The following PDE10A variants were observed in gnomAD, a reference collection of about 807,000 sequenced individuals.
The protein encoded by PDE10A is phosphodiesterase 10A, also known as cAMP and cAMP-inhibited cGMP 3',5'-cyclic phosphodiesterase 10A.
In PDE10A, 39 loss-of-function variants were observed where a neutral mutation model predicts 97.7. That is an observed-to-expected ratio of 0.40 (90% CI 0.31 to 0.52). PDE10A has a LOEUF of 0.52. Among genes scored for constraint, PDE10A ranks in the 20% least tolerant of loss-of-function variants. The probability of loss-of-function intolerance (pLI) is 0.56; values close to 1 mark genes in which losing one functional copy is unlikely to be tolerated. For synonymous variants in PDE10A, 371 were observed against 376.8 expected (o/e 0.98, Z 0.18); for missense variants, 731 against 1,047.8 (o/e 0.70, Z 4.17).
chr6:165,487,065 T>C (rs778202499), intron 2 of PDE10A, among the ~76,000 whole-genome samples: 10 of 152,214 alleles, frequency 6.6e-5, no homozygotes, highest in Non-Finnish European at 1.5e-4. Flanking sequence ...GCGACGCATT[T>C]GTGAATAAGC....
At chr6:165,425,567 AC>A (rs1789063855) in intron 10 of PDE10A, among the ~76,000 whole-genome samples, 1 of 152,156 alleles carries the variant, frequency 6.6e-6, no homozygotes, top group Non-Finnish European at 1.5e-5. Flanking sequence ...TGAAAAACCC[AC>A]AAAAAAATCA....
At chr6:165,432,877 G>T in intron 7 of PDE10A, 97 bp downstream of exon 7, 1 of 781,862 alleles carries the variant, frequency 1.3e-6, no homozygotes, top group Non-Finnish European at 2.1e-6. Flanking sequence ...ATTAATTCAT[G>T]TATTTTCAGT....
In PDE10A at chr6:165,814,304, C is replaced by T. The variant is rs115471348; in HGVS notation, c.-615+173225G>A. ...GCACCCGGCTGCTCATATTACTCCA[C>T]GACTCCACACCCTCCACCGCCCGTA... On this transcript the variant is annotated intron_variant, in intron 1 of 19. Transcript: ENST00000366882. Among the ~76,000 whole-genome samples, 1,495 of 152,178 alleles carry T rather than the reference C, an allele frequency of 9.8e-3. 30 individuals carry two copies. The highest frequency in any genetic ancestry group is 0.034 in the African/African-American group (1,429 of 41,502).
At chr6:165,772,745 TG>T (rs1348136404) in intron 1 of PDE10A, among the ~76,000 whole-genome samples, 10 of 151,862 alleles carry the variant, frequency 6.6e-5, no homozygotes, top group Admixed American at 6.6e-4. Context: ...CCCGTTGATT[TG>T]GGGGCGGGGT....
intron 2 of PDE10A, among the ~76,000 whole-genome samples, chr6:165,533,340 T>C (rs2128316172): frequency 6.6e-6 from 1 of 152,288 alleles, no homozygotes; most frequent in Admixed American, 6.5e-5. Flanking sequence ...CTAGATGGTA[T>C]AGCCTACTTC....
chr6:165,374,144 T>C (rs1380535943), intron 18 of PDE10A, among the ~76,000 whole-genome samples: 1 of 149,672 alleles, frequency 6.7e-6, no homozygotes, highest in African/African-American at 2.5e-5. Context: ...GACGAATTAA[T>C]GGGTGCAGCA....
At chr6:165,559,361 G>A (rs1788174526) in intron 1 of PDE10A, among the ~76,000 whole-genome samples, 1 of 152,200 alleles carries the variant, frequency 6.6e-6, no homozygotes, top group South Asian at 2.1e-4. Flanking sequence ...AGATTTACAA[G>A]TGGATTAGAT....
At chr6:165,389,573 G>C (rs1785538692) in intron 16 of PDE10A, among the ~76,000 whole-genome samples, 1 of 152,194 alleles carries the variant, frequency 6.6e-6, no homozygotes, top group African/African-American at 2.4e-5. Flanking sequence ...ATGGGTTTGA[G>C]GAGGGAGGTC....
intron 1 of PDE10A, among the ~76,000 whole-genome samples, chr6:165,561,258 C>CT (rs1428998372): frequency 6.6e-6 from 1 of 151,886 alleles, no homozygotes; most frequent in African/African-American, 2.4e-5. Context: ...CTCCTTTGCT[C>CT]TTTCTCCTGC....
chr6:165,436,855 A>G (rs894289736), intron 5 of PDE10A, among the ~76,000 whole-genome samples: 1 of 152,216 alleles, frequency 6.6e-6, no homozygotes, highest in African/African-American at 2.4e-5. Flanking sequence ...TCATTGTCCA[A>G]ATACAATTCA....
At chr6:165,598,380 C>A (rs1786728695) in intron 1 of PDE10A, among the ~76,000 whole-genome samples, 1 of 152,136 alleles carries the variant, frequency 6.6e-6, no homozygotes, top group Non-Finnish European at 1.5e-5. Context: ...GTCAAGATTT[C>A]TTTCAAAAAG....
chr6:165,738,396 T>G (rs2128452704), intron 1 of PDE10A, among the ~76,000 whole-genome samples: 2 of 150,866 alleles, frequency 1.3e-5, no homozygotes, highest in South Asian at 4.2e-4. Context: ...CCACATTTTC[T>G]TAATCCAGTC....
intron 1 of PDE10A, among the ~76,000 whole-genome samples, chr6:165,573,555 C>G (rs1425426809): frequency 6.6e-6 from 1 of 152,144 alleles, no homozygotes; most frequent in Non-Finnish European, 1.5e-5. Flanking sequence ...ACATATTGAA[C>G]TATGCCTTTC....
chr6:165,923,265 A>G (rs938272860), intron 1 of PDE10A, among the ~76,000 whole-genome samples: 5 of 152,252 alleles, frequency 3.3e-5, no homozygotes, highest in African/African-American at 1.2e-4. Flanking sequence ...ACCAATGTTA[A>G]GCATAATTAT....
chr6:165,525,182 C>T (rs1225531093), intron 2 of PDE10A, among the ~76,000 whole-genome samples: 2 of 152,040 alleles, frequency 1.3e-5, no homozygotes, highest in Admixed American at 6.6e-5. Context: ...GTGCACTACA[C>T]TTGAACTGTT....
intron 1 of PDE10A, among the ~76,000 whole-genome samples, chr6:165,801,015 C>T (rs924070714): frequency 1.3e-5 from 2 of 152,164 alleles, no homozygotes; most frequent in African/African-American, 2.4e-5. Context: ...ATTATGAAGG[C>T]GTTCATTCTT....
At chr6:165,743,604 T>A (rs1792778208) in intron 1 of PDE10A, among the ~76,000 whole-genome samples, 2 of 152,188 alleles carry the variant, frequency 1.3e-5, no homozygotes, top group South Asian at 2.1e-4. Flanking sequence ...AACATAGTTA[T>A]ATATGTAGCA....
In PDE10A at chr6:165,343,442, C is replaced by T; in HGVS notation, c.2844G>A (p.Trp948Ter). 1 of 1,613,956 alleles carries T rather than the reference C, an allele frequency of 6.2e-7. No individual in the cohort carries two copies. The highest frequency in any genetic ancestry group is 8.5e-7 in the Non-Finnish European group (1 of 1,179,938). Residue 948 changes from tryptophan (W) to a stop codon, truncating the protein, a stop_gained, in exon 19 of 22, where the codon TGG becomes TGA. Coordinates refer to ENST00000539869, the MANE Select transcript of PDE10A (RefSeq NM_001385079.1). LOFTEE classifies it high-confidence loss of function. ...CATTTGCCGTCAATTTTGTAACGGG[C>T]CACAGTTTTGTCACAGAACAAAGGT... Reference protein sequence around the residue: ...ACDLCSVTKLWPVTKLTANDI... With the variant: ...ACDLCSVTKL
chr6:165,825,452 C>T (rs1036960488), intron 1 of PDE10A, among the ~76,000 whole-genome samples: 2 of 152,186 alleles, frequency 1.3e-5, no homozygotes, highest in African/African-American at 4.8e-5. Context: ...ATTTAGATCC[C>T]TGAAATACGG....
Sources: allele counts gnomAD v4.1 joint callset (sites outside exome capture counted in the v4.1 genomes callset), GRCh38; gene constraint gnomAD v4.1.1; transcripts MANE v1.5; gene names NCBI Gene and HGNC (gene_info 2026-07-23, HGNC 2026-07-21).